Variants in IL32 observed in about 807,000 individuals in gnomAD.
IL32 encodes the protein interleukin-32.
IL32 carries 30 observed loss-of-function variants against 16.6 expected under a neutral mutation model. The observed-to-expected ratio is 1.81, with a 90% CI of 1.35 to 2.45. The LOEUF is 2.45. Among genes scored for constraint, IL32 ranks in the 30% most tolerant of loss-of-function variants. The pLI, the probability that IL32 is intolerant of heterozygous loss-of-function variation, is 0.00. For synonymous variants in IL32, 70 were observed against 86.1 expected, an observed-to-expected ratio of 0.81 and a Z score of 1.03; for missense variants, 234 against 229.8, an observed-to-expected ratio of 1.02 and a Z score of -0.12.
rs199974163 is a variant in IL32, at chr16:3,066,878, TG to T, written c.16-492del. ...GTGTCCATCCTCCCGTGTGTGTACA[TG>T]GGGGGGTGTGTGTGTGCAGGGAGGA... On this transcript the variant is annotated intron_variant, in intron 2 of 6. Coordinates refer to ENST00000525643, the MANE Select transcript of IL32 (RefSeq NM_001376923.1). Among the ~76,000 whole-genome samples the T allele has an allele frequency of 5.2e-4, 78 of 150,596 alleles. 1 individual carries two copies. Among genetic ancestry groups the T allele is most frequent in the South Asian group, 1.1e-3 (5 of 4,748 alleles).
chr16:3,067,968 G>A lies in IL32; in HGVS notation c.115-16G>A. 6.2e-7 allele frequency: 1 copy of A among 1,614,088 alleles called. No homozygotes were observed. The highest frequency in any genetic ancestry group is 8.5e-7 in the Non-Finnish European group (1 of 1,179,924). Reference sequence around the variant, plus strand: ...AGGAGGCTTGGGCCTGGAACCGAGTGCTTTGTTCCTAACAGGTGATGTCGA... The same window carrying A: ...AGGAGGCTTGGGCCTGGAACCGAGTACTTTGTTCCTAACAGGTGATGTCGA... On this transcript the variant is annotated splice_polypyrimidine_tract_variant and intron_variant, in intron 4 of 6. Coordinates refer to ENST00000525643, the MANE Select transcript of IL32 (RefSeq NM_001376923.1).
In IL32 at chr16:3,069,292, C is replaced by A. The variant is rs751355275; in HGVS notation, c.504C>A (p.Ala168=). The change falls in exon 7 of 7, where the codon GCC becomes GCA. Residue 168 remains alanine (A), a synonymous_variant. Transcript: ENST00000525643. ...TGTCCTCTTTCCAGTCCTACGGAGC[C>A]CCACGGGGGGACAAGGAGGAGCTGA... The part of the protein sequence containing the change: ...LFMSSFQSYG[A]PRGDKEELTP... 2 of 1,614,094 alleles carry A rather than the reference C, an allele frequency of 1.2e-6. No individual in the cohort carries two copies. The highest frequency in any genetic ancestry group is 2.2e-5 in the East Asian group (1 of 44,882).
At chr16:3,068,472 A>T in intron 6 of IL32, 1 of 539,704 alleles carries the variant, frequency 1.9e-6, no homozygotes, top group Middle Eastern at 5.1e-4. Flanking sequence ...CTCCAGGCTG[A>T]TTTTTTTTGT....
At chr16:3,065,921 C>G in intron 2 of IL32, 95 bp downstream of exon 2, 1 of 1,463,778 alleles carries the variant, frequency 6.8e-7, no homozygotes, top group Non-Finnish European at 9.6e-7. Flanking sequence ...GCCTGTGTGT[C>G]AGGGCTCAGT....
intron 4 of IL32, 32 bp from the exon 5 acceptor site, chr16:3,067,951 TG>T: frequency 6.2e-7 from 1 of 1,613,748 alleles, no homozygotes; most frequent in Non-Finnish European, 8.5e-7. Context: ...AGAGGAGGCT[TG>T]GGCCTGGAAC....
intron 2 of IL32, 110 bp downstream of exon 2, chr16:3,065,936 G>T: frequency 7.9e-7 from 1 of 1,267,008 alleles, no homozygotes; most frequent in South Asian, 1.2e-5. Flanking sequence ...CTCAGTCAGG[G>T]GCACCCAGCG....
intron 2 of IL32, among the ~76,000 whole-genome samples, chr16:3,066,187 G>A (rs1260342505): frequency 1.6e-4 from 24 of 152,176 alleles, no homozygotes; most frequent in Admixed American, 1.6e-3. Context: ...GTGGGTCCTG[G>A]TGTCTCTTCC....
intron 2 of IL32, 68 bp from the exon 3 acceptor site, chr16:3,067,309 G>GTA (rs753199544): frequency 1.3e-6 from 1 of 757,446 alleles, no homozygotes. Context: ...GTGTGTGTGT[G>GTA]TATAAATTAT....
At chr16:3,067,872 C>G in intron 4 of IL32, 112 bp from the exon 5 acceptor site, 1 of 1,308,528 alleles carries the variant, frequency 7.6e-7, no homozygotes, top group Non-Finnish European at 1.1e-6. Flanking sequence ...GGGCCCCTGG[C>G]TGGGCCCAGT....
At chr16:3,068,322 TTGAGACAGAGTCTCGCTC>T in intron 6 of IL32, 83 bp downstream of exon 6, 1 of 1,317,504 alleles carries the variant, frequency 7.6e-7, no homozygotes, top group Non-Finnish European at 1.1e-6. Context: ...TTTTGTTTAT[TTGAGACAGAGTCTCGCTC>T]TGTCGCCCAG....
chr16:3,067,276 T>TGTG (rs894845199), intron 2 of IL32, 101 bp from the exon 3 acceptor site: 1 of 262,206 alleles, frequency 3.8e-6, no homozygotes, highest in Non-Finnish European at 6.7e-6. Context: ...TGTCTCTGTG[T>TGTG]GTGTGTGTGT....
rs764648582 is a variant in IL32, at chr16:3,068,012, T to G, written c.141+2T>G. On this transcript the variant is annotated splice_donor_variant, in intron 5 of 6. Transcript: ENST00000525643. LOFTEE classifies it high-confidence loss of function. ...ATGTCGAGCCTGGCAGAGCTGGAGG[T>G]GAGCCGTGGCCTCCCCCTCCACCAA... The G allele has an allele frequency of 8.1e-6, 13 of 1,613,852 alleles. No individual in the cohort carries two copies. The Admixed American group carries it at 2.2e-4, about 27-fold the overall frequency.
At chr16:3,067,895 G>T in intron 4 of IL32, 89 bp from the exon 5 acceptor site, 1 of 1,456,082 alleles carries the variant, frequency 6.9e-7, no homozygotes, top group Non-Finnish European at 9.6e-7. Flanking sequence ...GGGGTGTGTG[G>T]GAGCTGAGGA....
intron 6 of IL32, chr16:3,068,554 G>A (rs192711016): frequency 4.6e-4 from 194 of 422,564 alleles, no homozygotes; most frequent in African/African-American, 3.3e-3. Flanking sequence ...CTTGTGTTCC[G>A]TCTGCCTTGG....
At chr16:3,068,102 CACCTGG>C (rs1956625011) in intron 5 of IL32, 72 bp from the exon 6 acceptor site, 1 of 1,603,300 alleles carries the variant, frequency 6.2e-7, no homozygotes, top group African/African-American at 1.3e-5. Context: ...CCTTGGGAAT[CACCTGG>C]ACCAGTGGGG....
At chr16:3,068,562 T>C in intron 6 of IL32, 1 of 418,670 alleles carries the variant, frequency 2.4e-6, no homozygotes, top group Non-Finnish European at 4.4e-6. Flanking sequence ...CCGTCTGCCT[T>C]GGCCTCCCAA....
At position 3,067,267 on chromosome 16, in the gene IL32, G is replaced by GTC. The variant is rs374739811; in HGVS notation, c.16-106_16-105dup. On this transcript the variant is annotated intron_variant, in intron 2 of 6. Transcript: ENST00000525643. ...CTCTTATCCTGTACCTCTGCCATGT[G>GTC]TCTCTGTGTGTGTGTGTGTGTGTGT... 278 of 671,002 alleles carry GTC rather than the reference G, an allele frequency of 4.1e-4. 2 individuals are homozygous for GTC. Among genetic ancestry groups the GTC allele is most frequent in the African/African-American group, 3.7e-3 (172 of 46,398 alleles). The allele number at this position is 671,002 out of a possible 1,614,324, so 41.6% of individuals were successfully genotyped here.
Position 3,068,233 on chromosome 16 carries a change from G to T in IL32, c.195G>T (p.Gln65His). 6.3e-7 allele frequency: 1 copy of T among 1,595,258 alleles called. No homozygotes were observed. The highest frequency in any genetic ancestry group is 1.1e-5 in the South Asian group (1 of 88,434). Residue 65 changes from glutamine to histidine, a missense_variant, in exon 6 of 7, where the codon CAG becomes CAT. Physicochemically the swap from Gln to His is conservative, Grantham distance 24. Coordinates refer to ENST00000525643, the MANE Select transcript of IL32 (RefSeq NM_001376923.1). ...LETVAAYYEE[Q>H]HPELTPLLEK... ...CAGTGGCGGCTTATTATGAGGAGCA[G>T]CACCCAGTGAGTATGACACACCCAT...
intron 2 of IL32, among the ~76,000 whole-genome samples, chr16:3,066,245 C>T (rs768362907): frequency 5.9e-5 from 9 of 151,710 alleles, no homozygotes; most frequent in Admixed American, 2.0e-4. Flanking sequence ...CACTGCCCCA[C>T]CGCAAATGCT....
Sources: gnomAD v4.1 joint callset for allele counts (sites outside exome capture counted in the v4.1 genomes callset) on GRCh38, gnomAD v4.1.1 for gene constraint, MANE v1.5 for transcripts, NCBI Gene and HGNC (gene_info 2026-07-23, HGNC 2026-07-21) for gene names.